CSNK1G3: variants seen among roughly 807,000 people sequenced by gnomAD.
CSNK1G3 encodes the protein casein kinase 1 gamma 3.
Under a neutral mutation model 64.3 loss-of-function variants are expected in CSNK1G3, and 23 were observed. That is an observed-to-expected ratio of 0.36 (90% CI 0.26 to 0.51). The LOEUF is 0.51. CSNK1G3 is among the 20% of genes least tolerant of loss of function. The pLI is 0.96. For missense variants in CSNK1G3, 357 were observed against 510.5 expected (o/e 0.70, Z 2.90); for synonymous variants, 158 against 162.2 (o/e 0.97, Z 0.20).
At chr5:123,549,045 A>G (rs1783138760) in intron 2 of CSNK1G3, among the ~76,000 whole-genome samples, 1 of 152,238 alleles carries the variant, frequency 6.6e-6, no homozygotes, top group Non-Finnish European at 1.5e-5. Flanking sequence ...GGAAAATTCA[A>G]AGTATGATTT....
intron 4 of CSNK1G3, among the ~76,000 whole-genome samples, chr5:123,570,794 G>A (rs558207634): frequency 2.6e-5 from 4 of 152,310 alleles, no homozygotes; most frequent in African/African-American, 9.6e-5. Context: ...ATTAGAGATT[G>A]TTAAATTGAG....
At chr5:123,564,623 A>G (rs1255336301) in intron 4 of CSNK1G3, among the ~76,000 whole-genome samples, 1 of 152,132 alleles carries the variant, frequency 6.6e-6, no homozygotes, top group Non-Finnish European at 1.5e-5. Flanking sequence ...TTTTTGCAAC[A>G]GTTAAATTTT....
intron 4 of CSNK1G3, among the ~76,000 whole-genome samples, 167 bp downstream of exon 4, chr5:123,557,731 A>C (rs973216097): frequency 6.6e-6 from 1 of 152,060 alleles, no homozygotes; most frequent in African/African-American, 2.4e-5. Context: ...TTTTATGACA[A>C]ATTTGGAGCT....
intron 5 of CSNK1G3, among the ~76,000 whole-genome samples, chr5:123,574,344 A>G (rs1158169615): frequency 6.6e-6 from 1 of 152,180 alleles, no homozygotes; most frequent in African/African-American, 2.4e-5. Context: ...GTTTTTATTC[A>G]TTGACTCATT....
At chr5:123,545,203 G>A (rs1304497450) in intron 1 of CSNK1G3, among the ~76,000 whole-genome samples, 1 of 152,020 alleles carries the variant, frequency 6.6e-6, no homozygotes, top group African/African-American at 2.4e-5. Flanking sequence ...TTTTTAAGAA[G>A]TAATTGAATC....
chr5:123,520,527 C>T (rs1390471661), intron 1 of CSNK1G3, among the ~76,000 whole-genome samples: 6 of 138,222 alleles, frequency 4.3e-5, no homozygotes, highest in African/African-American at 1.1e-4. Context: ...GATGTGTTTT[C>T]TACCAGTTTA....
At chr5:123,518,821 G>C (rs980543500) in intron 1 of CSNK1G3, among the ~76,000 whole-genome samples, 2 of 152,206 alleles carry the variant, frequency 1.3e-5, no homozygotes, top group African/African-American at 4.8e-5. Context: ...GGATGTTAGA[G>C]AGATGATAAA....
At chr5:123,536,822 G>A (rs1780913822) in intron 1 of CSNK1G3, among the ~76,000 whole-genome samples, 1 of 151,910 alleles carries the variant, frequency 6.6e-6, no homozygotes, top group Non-Finnish European at 1.5e-5. Context: ...CATGGCCAAT[G>A]GCATAATAAA....
intron 10 of CSNK1G3, among the ~76,000 whole-genome samples, chr5:123,599,607 T>C (rs1455241021): frequency 6.6e-6 from 1 of 152,192 alleles, no homozygotes; most frequent in Non-Finnish European, 1.5e-5. Context: ...TACTGACCTT[T>C]CTAAAACATT....
chr5:123,533,891 T>G (rs1780376406), intron 1 of CSNK1G3, among the ~76,000 whole-genome samples: 1 of 151,978 alleles, frequency 6.6e-6, no homozygotes, highest in Middle Eastern at 3.2e-3. Context: ...TGGTGCTTGA[T>G]TGTCAGTTTA....
At chr5:123,557,860 G>A (rs1784921235) in intron 4 of CSNK1G3, among the ~76,000 whole-genome samples, 1 of 152,156 alleles carries the variant, frequency 6.6e-6, no homozygotes, top group East Asian at 1.9e-4. Flanking sequence ...AGCTGTTGAA[G>A]TGACTTACAA....
intron 1 of CSNK1G3, among the ~76,000 whole-genome samples, chr5:123,524,734 A>C (rs1477503423): frequency 6.6e-6 from 1 of 152,156 alleles, no homozygotes; most frequent in African/African-American, 2.4e-5. Context: ...AAAGGTGACA[A>C]ATAAATCTGT....
intron 10 of CSNK1G3, 139 bp downstream of exon 10, chr5:123,591,553 T>C (rs1163526301): frequency 1.8e-6 from 1 of 546,592 alleles, no homozygotes; most frequent in African/African-American, 2.0e-5. Context: ...TTTCACTGTT[T>C]ATTAGTTTAA....
exon 5 of CSNK1G3, chr5:123,573,451 G>C (rs749572102): frequency 2.5e-6 from 4 of 1,613,794 alleles, no homozygotes; most frequent in Non-Finnish European, 3.4e-6. Context: ...CTATGGTGCT[G>C]GAACTGCTGG....
intron 6 of CSNK1G3, among the ~76,000 whole-genome samples, chr5:123,579,645 C>A (rs1267269800): frequency 6.6e-6 from 1 of 151,908 alleles, no homozygotes; most frequent in Admixed American, 6.6e-5. Context: ...AATGTAACAG[C>A]ATTCTATTTG....
intron 10 of CSNK1G3, among the ~76,000 whole-genome samples, chr5:123,591,687 A>G (rs1792397677): frequency 6.6e-6 from 1 of 152,128 alleles, no homozygotes; most frequent in African/African-American, 2.4e-5. Context: ...AATGAATTGT[A>G]ATAACACTTG....
intron 10 of CSNK1G3, among the ~76,000 whole-genome samples, chr5:123,602,221 A>G (rs1794621492): frequency 1.3e-5 from 2 of 152,188 alleles, no homozygotes; most frequent in South Asian, 4.1e-4. Flanking sequence ...GCACAACTGC[A>G]GTGTTCATTT....
At chr5:123,531,299 C>T (rs1249962772) in intron 1 of CSNK1G3, among the ~76,000 whole-genome samples, 1 of 152,078 alleles carries the variant, frequency 6.6e-6, no homozygotes, top group African/African-American at 2.4e-5. Flanking sequence ...ACTACTTTCT[C>T]CTTAGACTTA....
At chr5:123,544,503 T>G (rs987264059) in intron 1 of CSNK1G3, among the ~76,000 whole-genome samples, 2 of 152,214 alleles carry the variant, frequency 1.3e-5, no homozygotes, top group South Asian at 4.1e-4. Context: ...TATCAATCCT[T>G]GTTTCTTCAT....
Sources: gnomAD v4.1 joint callset for allele counts (sites outside exome capture counted in the v4.1 genomes callset) on GRCh38, gnomAD v4.1.1 for gene constraint, MANE v1.5 for transcripts, NCBI Gene and HGNC (gene_info 2026-07-23, HGNC 2026-07-21) for gene names.